POR: variants seen among roughly 807,000 people sequenced by gnomAD.
POR encodes NADPH--cytochrome P450 reductase.
Under a neutral mutation model 84.0 loss-of-function variants are expected in POR, and 56 were observed. The observed-to-expected ratio is 0.67, with a 90% CI of 0.54 to 0.83. The LOEUF (loss-of-function observed/expected upper bound fraction) is 0.83, where lower values mean the gene tolerates loss of function less well. Ranked by LOEUF, POR falls within the 40% of genes least tolerant of loss-of-function variation. POR has a pLI of 0.00. For missense variants in POR, 938 were observed against 944.3 expected (o/e 0.99, Z 0.09); for synonymous variants, 414 against 400.5 (o/e 1.03, Z -0.40).
At chr7:75,940,170 G>A (rs1369913207) in intron 1 of POR, among the ~76,000 whole-genome samples, 4 of 151,836 alleles carry the variant, frequency 2.6e-5, no homozygotes, top group Non-Finnish European at 4.4e-5. Flanking sequence ...TGCAGCCTCC[G>A]CCTCCTGGGT....
intron 1 of POR, among the ~76,000 whole-genome samples, chr7:75,932,002 C>T (rs10230212): frequency 0.016 from 2,402 of 152,256 alleles, 68 homozygotes; most frequent in African/African-American, 0.055. Context: ...TCTGTGCACA[C>T]AGTGCTTTGT....
At chr7:75,921,970 G>C (rs192988191) in intron 1 of POR, among the ~76,000 whole-genome samples, 1 of 152,326 alleles carries the variant, frequency 6.6e-6, no homozygotes, top group Non-Finnish European at 1.5e-5. Context: ...GCCTCCCAAA[G>C]TGCTGGGATA....
chr7:75,930,499 A>AT (rs1158298983), intron 1 of POR, among the ~76,000 whole-genome samples: 2 of 152,114 alleles, frequency 1.3e-5, no homozygotes, highest in African/African-American at 4.8e-5. Flanking sequence ...ATAAAATAAA[A>AT]TAAATAAATA....
At chr7:75,960,104 C>A (rs1787871273) in intron 2 of POR, among the ~76,000 whole-genome samples, 1 of 151,938 alleles carries the variant, frequency 6.6e-6, no homozygotes, top group Admixed American at 6.6e-5. Context: ...AGCCTGGCAA[C>A]ATGACGAAAC....
At position 75,916,214 on chromosome 7, in the gene POR, CAG is replaced by C. The variant is rs575057383; in HGVS notation, c.-5+1036_-5+1037del. On this transcript the variant is annotated intron_variant, in intron 1 of 15. Transcript: ENST00000461988. Reference sequence around the variant, plus strand: ...AGGGTTGAGATTCTGAGGATCAAGACAGGGTCCCAGAGAGTGGCATCGAGAAC... The same window carrying C: ...AGGGTTGAGATTCTGAGGATCAAGACGGTCCCAGAGAGTGGCATCGAGAAC... Among the ~76,000 whole-genome samples the C allele has an allele frequency of 3.7e-3, 560 of 152,302 alleles. 3 individuals are homozygous for C. The highest frequency in any genetic ancestry group is 0.013 in the African/African-American group (527 of 41,568).
chr7:75,980,677 C>T, intron 5 of POR, 189 bp downstream of exon 5: 1 of 1,535,272 alleles, frequency 6.5e-7, no homozygotes, highest in Non-Finnish European at 8.7e-7. Context: ...CTCCCTGTCC[C>T]CAGCCCCAGT....
chr7:75,964,245 C>A (rs782041908), intron 2 of POR, among the ~76,000 whole-genome samples: 1 of 152,084 alleles, frequency 6.6e-6, no homozygotes, highest in Non-Finnish European at 1.5e-5. Context: ...AGTGATCCAC[C>A]CACCTCAGCC....
At chr7:75,957,801 C>T (rs1554553965) in intron 2 of POR, among the ~76,000 whole-genome samples, 2 of 152,304 alleles carry the variant, frequency 1.3e-5, no homozygotes, top group South Asian at 2.1e-4. Flanking sequence ...CTTGTCTCTT[C>T]CCTCATTAAA....
intron 1 of POR, among the ~76,000 whole-genome samples, chr7:75,921,749 C>G (rs1806882713): frequency 6.6e-6 from 1 of 151,944 alleles, no homozygotes; most frequent in Non-Finnish European, 1.5e-5. Context: ...TTCTCTTCGC[C>G]CAGACTGGAG....
intron 10 of POR, 146 bp downstream of exon 10, chr7:75,984,002 C>T: frequency 5.9e-6 from 4 of 680,442 alleles, no homozygotes; most frequent in Non-Finnish European, 7.3e-6. Flanking sequence ...TTACAGGATC[C>T]CAAGCAAACG....
rs1225047278 is a variant in POR at position 75,924,285 on chromosome 7, A to G, written c.-5+9106A>G. Among the ~76,000 whole-genome samples, 5 of 152,210 alleles carry G rather than the reference A, an allele frequency of 3.3e-5. No homozygotes were observed. In the East Asian group the frequency reaches 7.7e-4, roughly 23 times the overall value. ...TCTCAAGTTCCTTCTGTAGTTGATA[A>G]TTTATTCAGTAATCATTTTATAATT... On this transcript the variant is annotated intron_variant, in intron 1 of 15. Coordinates refer to ENST00000461988, the MANE Select transcript of POR (RefSeq NM_000941.3).
intron 1 of POR, among the ~76,000 whole-genome samples, chr7:75,928,466 G>A (rs572896907): frequency 3.7e-4 from 56 of 152,368 alleles, no homozygotes; most frequent in African/African-American, 1.3e-3. Context: ...TGGCCTGTGA[G>A]AGGAAGTCAC....
In POR at chr7:75,982,239, G is replaced by A; in HGVS notation, c.747G>A (p.Glu249=). 6.2e-7 allele frequency: 1 copy of A among 1,611,862 alleles called. No homozygotes were observed. The highest frequency in any genetic ancestry group is 1.1e-5 in the South Asian group (1 of 90,574). The change falls in exon 8 of 16, where the codon GAG becomes GAA. Residue 249 remains glutamate, a synonymous_variant. Transcript: ENST00000461988. ...CCCTTTCCAGCATTCGCCAGTACGAGCTTGTGGTCCACACCGACATAGATG... is the reference window on the plus strand; with the variant it reads ...CCCTTTCCAGCATTCGCCAGTACGAACTTGTGGTCCACACCGACATAGATG...
chr7:75,925,778 C>T (rs1554549405), intron 1 of POR, among the ~76,000 whole-genome samples: 1 of 152,092 alleles, frequency 6.6e-6, no homozygotes, highest in East Asian at 1.9e-4. Flanking sequence ...TTTCTGGGTC[C>T]CATCTAGGTA....
chr7:75,946,563 A>G (rs1787182706), intron 1 of POR, among the ~76,000 whole-genome samples: 1 of 152,036 alleles, frequency 6.6e-6, no homozygotes, highest in Non-Finnish European at 1.5e-5. Context: ...GCTGAGATTA[A>G]AGGCATGAGC....
rs72557947 is a variant in POR, at chr7:75,985,633, G to A, written c.1453G>A (p.Ala485Thr). The A allele has an allele frequency of 4.9e-5, 78 of 1,593,634 alleles. No individual in the cohort carries two copies. The East Asian group carries it at 1.4e-3, about 30-fold the overall frequency. ...GGTGGTTGTGGAGTACGAGACCAAG[G>A]CTGGCCGCATCAACAAGGGCGTGGC... Residue 485 changes from alanine (A) to threonine (T), a missense_variant, in exon 13 of 16, where the codon GCT (alanine) becomes ACT (threonine). By Grantham distance (58) the Ala-to-Thr change is moderately conservative (BLOSUM62 0). Transcript: ENST00000461988.
intron 2 of POR, 35 bp downstream of exon 2, chr7:75,954,215 C>G (rs1554553419): frequency 6.4e-7 from 1 of 1,560,508 alleles, no homozygotes; most frequent in Non-Finnish European, 8.8e-7. Flanking sequence ...CTCTCTGTCC[C>G]TCTTCTGTCA....
chr7:75,968,119 C>G lies in POR; in HGVS notation c.189-4294C>G, dbSNP rs782305769. 3.7e-5 allele frequency: 17 copies of G among 455,878 alleles called. No individual in the cohort carries two copies. In the Admixed American group the frequency reaches 4.0e-4, roughly 11 times the overall value. 28.2% of individuals were successfully genotyped at this position (455,878 alleles called of 1,614,324 possible). A position where few individuals can be genotyped will look rare whatever the true frequency, so the allele number is the denominator to read the frequency against. On this transcript the variant is annotated intron_variant, in intron 2 of 15. Transcript: ENST00000461988. Reference sequence around the variant, plus strand: ...TACTCGTCTCCACCTGAGGAGCCCGCTCTGAGAAGGTCAGTTCCTGACACT... The same window carrying G: ...TACTCGTCTCCACCTGAGGAGCCCGGTCTGAGAAGGTCAGTTCCTGACACT...
At chr7:75,925,991 G>A (rs1005039946) in intron 1 of POR, among the ~76,000 whole-genome samples, 3 of 150,620 alleles carry the variant, frequency 2.0e-5, no homozygotes, top group Admixed American at 6.6e-5. Context: ...TACCTCCCAC[G>A]TACAGTGTCC....
Sources: gnomAD v4.1 joint callset for allele counts (sites outside exome capture counted in the v4.1 genomes callset) on GRCh38, gnomAD v4.1.1 for gene constraint, MANE v1.5 for transcripts, NCBI Gene and HGNC (gene_info 2026-07-23, HGNC 2026-07-21) for gene names.